Variants in HOXC13 observed in about 807,000 individuals in gnomAD.
HOXC13 encodes homeobox C13, also known as homeobox protein Hox-C13.
Under a neutral mutation model 25.9 loss-of-function variants are expected in HOXC13, and 10 were observed. The observed-to-expected ratio is 0.39, with a 90% CI of 0.24 to 0.65. HOXC13 has a LOEUF of 0.65. Among genes scored for constraint, HOXC13 ranks in the 30% least tolerant of loss-of-function variants. The pLI is 0.50. For missense variants in HOXC13, 439 were observed against 478.3 expected (o/e 0.92, Z 0.77); for synonymous variants, 233 against 217.1 (o/e 1.07, Z -0.64).
At chr12:53,940,529 G>A (rs1017696355) in intron 1 of HOXC13, among the ~76,000 whole-genome samples, 1 of 152,162 alleles carries the variant, frequency 6.6e-6, no homozygotes. Flanking sequence ...GGATGGGAAG[G>A]GAGAATTCAT....
chr12:53,946,451 A>G lies in HOXC13; in HGVS notation c.*1195A>G. ...TAAAAAATGTTGTGTATCTGTATATAGTATTGTGATGTCTGAATGACAATG... is the reference window on the plus strand; with the variant it reads ...TAAAAAATGTTGTGTATCTGTATATGGTATTGTGATGTCTGAATGACAATG... On this transcript the variant is annotated 3_prime_UTR_variant, in exon 2 of 2. Transcript: ENST00000243056. 1 of 211,252 alleles carries G rather than the reference A, an allele frequency of 4.7e-6. No homozygotes were observed. Among genetic ancestry groups the G allele is most frequent in the Non-Finnish European group, 9.6e-6 (1 of 103,882 alleles). The allele number at this position is 211,252 out of a possible 1,614,324, so 13.1% of individuals were successfully genotyped here. A position where few individuals can be genotyped will look rare whatever the true frequency, so the allele number is the denominator to read the frequency against.
Position 53,946,153 on chromosome 12 carries a change from A to C in HOXC13, c.*897A>C, listed in dbSNP as rs1357606497. 2 of 230,512 alleles carry C rather than the reference A, an allele frequency of 8.7e-6. No homozygotes were observed. Among genetic ancestry groups the C allele is most frequent in the African/African-American group, 4.4e-5 (2 of 45,184 alleles). The allele number at this position is 230,512 out of a possible 1,614,324, so 14.3% of individuals were successfully genotyped here. On this transcript the variant is annotated 3_prime_UTR_variant, in exon 2 of 2. Coordinates refer to ENST00000243056, the MANE Select transcript of HOXC13 (RefSeq NM_017410.3). ...CAAGGGGATGGAGAGTGGGTCCCTCAACAAAGTCCCTGTCCAGTCACCTTT... is the reference window on the plus strand; with the variant it reads ...CAAGGGGATGGAGAGTGGGTCCCTCCACAAAGTCCCTGTCCAGTCACCTTT...
chr12:53,941,865 A>G (rs1480131294), intron 1 of HOXC13, among the ~76,000 whole-genome samples: 1 of 152,190 alleles, frequency 6.6e-6, no homozygotes, highest in Non-Finnish European at 1.5e-5. Flanking sequence ...CTTTCTACCC[A>G]CTCAGAGATC....
Position 53,939,160 on chromosome 12 carries a change from TGGGCGCCCCTCA to T in HOXC13, c.262_273del (p.Pro88_Ala91del). ...GTGCTGGGCCGCCCGCCGGCTCCCC[TGGGCGCCCCTCA>T]GGGCGCCGTCTATACGGACATCCCG... On this transcript the variant is annotated inframe_deletion, in exon 1 of 2. Transcript: ENST00000243056. The surrounding 1 kb of genome is among the most constrained non-coding windows in gnomAD (Gnocchi z 6.7). 2.0e-6 allele frequency: 3 copies of T among 1,483,270 alleles called. No individual in the cohort carries two copies. The highest frequency in any genetic ancestry group is 2.7e-6 in the Non-Finnish European group (3 of 1,127,504). The allele number at this position is 1,483,270 out of a possible 1,614,324, so 91.9% of individuals were successfully genotyped here.
chr12:53,943,090 A>G (rs1335807071), intron 1 of HOXC13, among the ~76,000 whole-genome samples: 2 of 152,220 alleles, frequency 1.3e-5, no homozygotes, highest in South Asian at 2.1e-4. Context: ...TAGCTGGCCT[A>G]TTTCCATTTT....
In HOXC13 at chr12:53,939,220, G is replaced by A; in HGVS notation, c.314G>A (p.Cys105Tyr). 1 of 1,535,646 alleles carries A rather than the reference G, an allele frequency of 6.5e-7. No homozygotes were observed. Among genetic ancestry groups the A allele is most frequent in the Non-Finnish European group, 8.7e-7 (1 of 1,143,718 alleles). The change falls in exon 1 of 2, where the codon TGT (cysteine) becomes TAT (tyrosine). Residue 105 changes from cysteine (C) to tyrosine (Y), a missense_variant. Physicochemically the swap from Cys to Tyr is radical, Grantham distance 194 (BLOSUM62 -2). Coordinates refer to ENST00000243056, the MANE Select transcript of HOXC13 (RefSeq NM_017410.3). The surrounding 1 kb of genome is among the most constrained non-coding windows in gnomAD (Gnocchi z 6.7). The stretch of plus-strand genomic sequence containing the variant: ...CCGGCCCCGGAGGCGGCGCGCCAGT[G>A]TGCCCCGCCGCCCGCACCCCCCACC... ...DIPAPEAARQ[C>Y]APPPAPPTSS...
chr12:53,945,406 C>G lies in HOXC13; in HGVS notation c.*150C>G. ...CCCGGAGGCAGAGAGGCTCCATGGC[C>G]GTGCTGCTGGGCCATCCCCAACTCC... On this transcript the variant is annotated 3_prime_UTR_variant, in exon 2 of 2. Transcript: ENST00000243056. This position sits in a 1 kb window ranked among gnomAD's most constrained non-coding sequence, Gnocchi z 4.4. 3.3e-6 allele frequency: 3 copies of G among 900,272 alleles called. No homozygotes were observed. The highest frequency in any genetic ancestry group is 5.0e-6 in the Non-Finnish European group (3 of 594,126). The allele number at this position is 900,272 out of a possible 1,614,324, so 55.8% of individuals were successfully genotyped here.
chr12:53,945,452 A>G lies in HOXC13; in HGVS notation c.*196A>G, dbSNP rs775837409. 27 of 635,840 alleles carry G rather than the reference A, an allele frequency of 4.2e-5. No homozygotes were observed. The highest frequency in any genetic ancestry group is 6.2e-5 in the Non-Finnish European group (23 of 371,076). 39.4% of individuals were successfully genotyped at this position (635,840 alleles called of 1,614,324 possible). A position where few individuals can be genotyped will look rare whatever the true frequency, so the allele number is the denominator to read the frequency against. ...ACTCCCTATCCCATCCCCAGCCTCCACCCCCATCCAGATGGGACTCACGTG... is the reference window on the plus strand; with the variant it reads ...ACTCCCTATCCCATCCCCAGCCTCCGCCCCCATCCAGATGGGACTCACGTG... On this transcript the variant is annotated 3_prime_UTR_variant, in exon 2 of 2. Transcript: ENST00000243056. This position sits in a 1 kb window ranked among gnomAD's most constrained non-coding sequence, Gnocchi z 4.4.
Position 53,939,077 on chromosome 12 carries a change from G to C in HOXC13, c.171G>C (p.Met57Ile). The C allele has an allele frequency of 1.4e-6, 2 of 1,436,336 alleles. No homozygotes were observed. Among genetic ancestry groups the C allele is most frequent in the Non-Finnish European group, 1.8e-6 (2 of 1,105,436 alleles). The allele number at this position is 1,436,336 out of a possible 1,614,324, so 89.0% of individuals were successfully genotyped here. The change falls in exon 1 of 2, where the codon ATG (methionine) becomes ATC (isoleucine). Residue 57 changes from methionine (M) to isoleucine (I), a missense_variant. Physicochemically the swap from Met to Ile is conservative, Grantham distance 10. Transcript: ENST00000243056. The surrounding 1 kb of genome is among the most constrained non-coding windows in gnomAD (Gnocchi z 6.7). ...CGAGCCCCGGCAAAGCCCCGAGCAT[G>C]GATGGTCTGGGCAGCAGCTGCCCGG... is the stretch of plus-strand genomic sequence containing the variant. ...SGASPGKAPS[M>I]DGLGSSCPAS...
Position 53,939,317 on chromosome 12 carries a change from C to G in HOXC13, c.411C>G (p.Asn137Lys), listed in dbSNP as rs986240638. The stretch of plus-strand genomic sequence containing the variant: ...ACTACGGCTGCCGCCTGTCGCACAA[C>G]GTGAACCTGCAGCAGAAGCCTTGCG... Reference protein sequence around the residue: ...GSYYGCRLSHNVNLQQKPCAY... With the variant: ...GSYYGCRLSHKVNLQQKPCAY... The change falls in exon 1 of 2, where the codon AAC becomes AAG. Residue 137 changes from asparagine (N) to lysine (K), a missense_variant. Coordinates refer to ENST00000243056, the MANE Select transcript of HOXC13 (RefSeq NM_017410.3). The surrounding 1 kb of genome is among the most constrained non-coding windows in gnomAD (Gnocchi z 6.7). 8 of 1,589,516 alleles carry G rather than the reference C, an allele frequency of 5.0e-6. No individual in the cohort carries two copies. Among genetic ancestry groups the G allele is most frequent in the Non-Finnish European group, 6.0e-6 (7 of 1,169,286 alleles).
rs1938567470 is a variant in HOXC13 at position 53,939,249 on chromosome 12, T to C, written c.343T>C (p.Ser115Pro). The change falls in exon 1 of 2, where the codon TCC becomes CCC. Residue 115 changes from serine to proline, a missense_variant. Physicochemically the swap from Ser to Pro is moderately conservative, Grantham distance 74. Coordinates refer to ENST00000243056, the MANE Select transcript of HOXC13 (RefSeq NM_017410.3). This position sits in a 1 kb window ranked among gnomAD's most constrained non-coding sequence, Gnocchi z 6.7. ...CAPPPAPPTSSSATLGYGYPF... is the reference protein window; with the variant it reads ...CAPPPAPPTSPSATLGYGYPF... Reference sequence around the variant, plus strand: ...CCCGCCGCCCGCACCCCCCACCTCGTCCAGCGCCACCCTGGGCTACGGCTA... The same window carrying C: ...CCCGCCGCCCGCACCCCCCACCTCGCCCAGCGCCACCCTGGGCTACGGCTA... 1.3e-6 allele frequency: 2 copies of C among 1,546,170 alleles called. No individual in the cohort carries two copies. The highest frequency in any genetic ancestry group is 1.7e-6 in the Non-Finnish European group (2 of 1,147,264).
chr12:53,944,281 A>G (rs1443159615), intron 1 of HOXC13, among the ~76,000 whole-genome samples: 2 of 152,068 alleles, frequency 1.3e-5, no homozygotes, highest in Admixed American at 6.6e-5. Context: ...TTGGACCCCA[A>G]TTCCTAGAGT....
intron 1 of HOXC13, among the ~76,000 whole-genome samples, chr12:53,942,411 G>A (rs1938627256): frequency 6.6e-6 from 1 of 151,562 alleles, no homozygotes. Flanking sequence ...GCCTGTGGGG[G>A]GGCGGGTGGT....
In HOXC13 at chr12:53,939,475, A is replaced by T; in HGVS notation, c.569A>T (p.Asp190Val). The T allele has an allele frequency of 6.2e-7, 1 of 1,609,544 alleles. No individual in the cohort carries two copies. Among genetic ancestry groups the T allele is most frequent in the South Asian group, 1.1e-5 (1 of 90,908 alleles). The change falls in exon 1 of 2, where the codon GAC (aspartate) becomes GTC (valine). Residue 190 changes from aspartate to valine, a missense_variant. Physicochemically the swap from Asp to Val is radical, Grantham distance 152. Transcript: ENST00000243056. The surrounding 1 kb of genome is among the most constrained non-coding windows in gnomAD (Gnocchi z 6.7). ...SSYQAMPGYLDVSVVPGISGH... is the reference protein window; with the variant it reads ...SSYQAMPGYLVVSVVPGISGH... ...TACCAGGCGATGCCCGGCTACCTGGACGTGTCGGTGGTGCCCGGGATCAGC... is the reference window on the plus strand; with the variant it reads ...TACCAGGCGATGCCCGGCTACCTGGTCGTGTCGGTGGTGCCCGGGATCAGC...
In HOXC13 at chr12:53,945,642, C is replaced by T. The variant is rs1938682637; in HGVS notation, c.*386C>T. On this transcript the variant is annotated 3_prime_UTR_variant, in exon 2 of 2. Coordinates refer to ENST00000243056, the MANE Select transcript of HOXC13 (RefSeq NM_017410.3). The surrounding 1 kb of genome is among the most constrained non-coding windows in gnomAD (Gnocchi z 4.4). ...AATCCCGAATGGCCCCAATTCTTGC[C>T]TCATCCTATGACCAGGCTTTTAGAG... The T allele has an allele frequency of 3.0e-6, 1 of 329,788 alleles. No homozygotes were observed. The highest frequency in any genetic ancestry group is 5.7e-6 in the Non-Finnish European group (1 of 176,780). 20.4% of individuals were successfully genotyped at this position (329,788 alleles called of 1,614,324 possible).
chr12:53,945,734 C>T lies in HOXC13; in HGVS notation c.*478C>T, dbSNP rs1938683572. 2 of 250,194 alleles carry T rather than the reference C, an allele frequency of 8.0e-6. No individual in the cohort carries two copies. The highest frequency in any genetic ancestry group is 1.1e-4 in the East Asian group (2 of 18,154). The allele number at this position is 250,194 out of a possible 1,614,324, so 15.5% of individuals were successfully genotyped here. A position where few individuals can be genotyped will look rare whatever the true frequency, so the allele number is the denominator to read the frequency against. On this transcript the variant is annotated 3_prime_UTR_variant, in exon 2 of 2. Coordinates refer to ENST00000243056, the MANE Select transcript of HOXC13 (RefSeq NM_017410.3). The surrounding 1 kb of genome is among the most constrained non-coding windows in gnomAD (Gnocchi z 4.4). ...GCTCATACTTTCCTTCGCTGTCCCTCCCGCACTCCTTAGGCAAGATTTCCC... is the reference window on the plus strand; with the variant it reads ...GCTCATACTTTCCTTCGCTGTCCCTTCCGCACTCCTTAGGCAAGATTTCCC...
chr12:53,939,401 G>T lies in HOXC13; in HGVS notation c.495G>T (p.Leu165=), dbSNP rs1211017531. 1 of 1,605,180 alleles carries T rather than the reference G, an allele frequency of 6.2e-7. No individual in the cohort carries two copies. The highest frequency in any genetic ancestry group is 8.5e-7 in the Non-Finnish European group (1 of 1,177,888). ...CGGGCGCCCTGCCCGGTGACGACCT[G>T]TCCTCTAGGGCCAAGGAGTTCGCCT... ...EPSGALPGDD[L]SSRAKEFAFY... is the part of the protein sequence containing the mutation. The change falls in exon 1 of 2, where the codon CTG becomes CTT. Residue 165 remains leucine, a synonymous_variant. Coordinates refer to ENST00000243056, the MANE Select transcript of HOXC13 (RefSeq NM_017410.3). This position sits in a 1 kb window ranked among gnomAD's most constrained non-coding sequence, Gnocchi z 6.7.
At chr12:53,943,418 A>T (rs758326633) in intron 1 of HOXC13, among the ~76,000 whole-genome samples, 17 of 152,258 alleles carry the variant, frequency 1.1e-4, no homozygotes, top group Non-Finnish European at 8.8e-5. Flanking sequence ...GTGTTCAAAA[A>T]CAAATCCTTT....
chr12:53,941,846 A>C (rs374367549), intron 1 of HOXC13, among the ~76,000 whole-genome samples: 9 of 152,058 alleles, frequency 5.9e-5, no homozygotes, highest in Non-Finnish European at 1.0e-4. Context: ...ATCTTCAGAC[A>C]CTCTCCATCT....
Sources: gnomAD v4.1 joint callset for allele counts (sites outside exome capture counted in the v4.1 genomes callset) on GRCh38, gnomAD v4.1.1 for gene constraint, Gnocchi (gnomAD v3.1) non-coding constraint, MANE v1.5 for transcripts, NCBI Gene and HGNC (gene_info 2026-07-23, HGNC 2026-07-21) for gene names.